The following ARF3 variants were observed in gnomAD, a reference collection of about 807,000 sequenced individuals.
ARF3 encodes ADP-ribosylation factor 3.
Under a neutral mutation model 19.3 loss-of-function variants are expected in ARF3, and 5 were observed. The ratio of observed to expected loss-of-function variants is 0.26; its 90% CI spans 0.14 to 0.54. ARF3 has a LOEUF of 0.54. Among genes scored for constraint, ARF3 ranks in the 20% least tolerant of loss-of-function variants. The pLI is 0.95. For synonymous variants in ARF3, 71 were observed against 89.2 expected (o/e 0.80, Z 1.15); for missense variants, 77 against 234.2 (o/e 0.33, Z 4.38).
intron 1 of ARF3, among the ~76,000 whole-genome samples, chr12:48,948,081 TGTA>T (rs1940391620): frequency 6.7e-6 from 1 of 149,662 alleles, no homozygotes; most frequent in South Asian, 2.1e-4. Context: ...GGTGCACGCC[TGTA>T]GTCCCAACTA....
At chr12:48,952,117 G>A (rs995656266) in intron 1 of ARF3, among the ~76,000 whole-genome samples, 2 of 152,160 alleles carry the variant, frequency 1.3e-5, no homozygotes, top group African/African-American at 4.8e-5. Context: ...AATTAGTGGT[G>A]TTTAGGCTCA....
rs959187833 is a variant in ARF3, at chr12:48,936,153, A to G, written c.*2794T>C. ...GACCAGAAACAGGACTCCCCTCACCATGAAACTACTGTCCCACGGCTGCTG... is the reference window on the plus strand; with the variant it reads ...GACCAGAAACAGGACTCCCCTCACCGTGAAACTACTGTCCCACGGCTGCTG... On this transcript the variant is annotated 3_prime_UTR_variant, in exon 5 of 5. Coordinates refer to ENST00000256682, the MANE Select transcript of ARF3 (RefSeq NM_001659.3). The G allele has an allele frequency of 5.2e-5, 8 of 152,548 alleles. No individual in the cohort carries two copies. Among genetic ancestry groups the G allele is most frequent in the African/African-American group, 1.9e-4 (8 of 41,454 alleles). The allele number at this position is 152,548 out of a possible 1,614,324, so 9.4% of individuals were successfully genotyped here.
At chr12:48,954,886 G>A (rs1283433992) in intron 1 of ARF3, among the ~76,000 whole-genome samples, 2 of 152,188 alleles carry the variant, frequency 1.3e-5, no homozygotes, top group Admixed American at 1.3e-4. Context: ...GGGCATGGTG[G>A]CACACGCATG....
chr12:48,950,923 G>T (rs529255548), intron 1 of ARF3, among the ~76,000 whole-genome samples: 21 of 151,960 alleles, frequency 1.4e-4, no homozygotes, highest in African/African-American at 4.3e-4. Flanking sequence ...GTAGCTGGGC[G>T]ATTACAGGCA....
intron 1 of ARF3, among the ~76,000 whole-genome samples, chr12:48,948,206 C>CA (rs151164110): frequency 0.53 from 77,569 of 147,300 alleles, 20,538 homozygotes; most frequent in South Asian, 0.74. Flanking sequence ...GAATATGTCT[C>CA]AAAAAAAAGA....
chr12:48,945,201 T>C (rs1028769613), intron 1 of ARF3, among the ~76,000 whole-genome samples: 3 of 148,110 alleles, frequency 2.0e-5, no homozygotes, highest in African/African-American at 5.0e-5. Flanking sequence ...TCCCAGCACT[T>C]TGGGAGGCTG....
intron 1 of ARF3, among the ~76,000 whole-genome samples, chr12:48,950,725 C>T (rs7981004): frequency 0.17 from 26,314 of 152,078 alleles, 3,823 homozygotes; most frequent in African/African-American, 0.4. Flanking sequence ...CTCTATGAAT[C>T]TGTTACTCTA....
chr12:48,951,300 G>C (rs1222002001), intron 1 of ARF3, among the ~76,000 whole-genome samples: 16 of 148,980 alleles, frequency 1.1e-4, no homozygotes, highest in Middle Eastern at 4.0e-3. Context: ...GTGGCTCATA[G>C]CTATAATCCC....
At chr12:48,952,337 GT>G (rs1940486691) in intron 1 of ARF3, among the ~76,000 whole-genome samples, 1 of 152,210 alleles carries the variant, frequency 6.6e-6, no homozygotes, top group Non-Finnish European at 1.5e-5. Context: ...GACAAGGTCT[GT>G]TTTAGAATCC....
rs144181071 is a variant in ARF3 at position 48,945,754 on chromosome 12, C to A, written c.-93-4566G>T. On this transcript the variant is annotated intron_variant, in intron 1 of 4. Transcript: ENST00000256682. Reference sequence around the variant, plus strand: ...AATATCCAGTAGCTATCATGTATCTCCCTGGCACAGCCCAGGACCTTGAAA... The same window carrying A: ...AATATCCAGTAGCTATCATGTATCTACCTGGCACAGCCCAGGACCTTGAAA... 1.8e-4 allele frequency among the ~76,000 whole-genome samples: 28 copies of A among 152,284 alleles called. No homozygotes were observed. In the East Asian group the frequency reaches 4.8e-3, roughly 26 times the overall value.
At chr12:48,950,110 AGGTGCCCTCAT>A (rs1303996622) in intron 1 of ARF3, among the ~76,000 whole-genome samples, 8 of 152,220 alleles carry the variant, frequency 5.3e-5, no homozygotes, top group Admixed American at 5.2e-4. Context: ...GGCTATTCAC[AGGTGCCCTCAT>A]GGTGCGCTAC....
intron 1 of ARF3, among the ~76,000 whole-genome samples, chr12:48,955,187 T>C (rs982419882): frequency 6.6e-6 from 1 of 152,170 alleles, no homozygotes; most frequent in Non-Finnish European, 1.5e-5. Flanking sequence ...ATATGACTCT[T>C]TGTGCACTTA....
intron 1 of ARF3, among the ~76,000 whole-genome samples, chr12:48,945,638 G>T (rs1940345831): frequency 6.6e-6 from 1 of 151,776 alleles, no homozygotes; most frequent in Non-Finnish European, 1.5e-5. Context: ...CAGGAGAATC[G>T]CTTGAACCCA....
At chr12:48,954,525 C>CA (rs1253401370) in intron 1 of ARF3, among the ~76,000 whole-genome samples, 4 of 151,954 alleles carry the variant, frequency 2.6e-5, no homozygotes, top group African/African-American at 9.7e-5. Flanking sequence ...TACTGACAAC[C>CA]AAAAAAATAA....
intron 1 of ARF3, chr12:48,955,609 C>G (rs1940549875): frequency 6.6e-6 from 1 of 152,166 alleles, no homozygotes; most frequent in African/African-American, 2.4e-5. Flanking sequence ...GACAGCCAAG[C>G]CATCTCTTGC....
Position 48,937,231 on chromosome 12 carries a change from C to T in ARF3, c.*1716G>A, listed in dbSNP as rs550004870. On this transcript the variant is annotated 3_prime_UTR_variant, in exon 5 of 5. Transcript: ENST00000256682. ...AACAAAAGTGGCCAGGAAACCTGGC[C>T]CCATGGAGTGGGGCTTGGGACAGCC... The T allele has an allele frequency of 6.6e-6, 1 of 152,348 alleles. No individual in the cohort carries two copies. Among genetic ancestry groups the T allele is most frequent in the African/African-American group, 2.4e-5 (1 of 41,558 alleles). The allele number at this position is 152,348 out of a possible 1,614,324, so 9.4% of individuals were successfully genotyped here. A position where few individuals can be genotyped will look rare whatever the true frequency, so the allele number is the denominator to read the frequency against.
At position 48,936,871 on chromosome 12, in the gene ARF3, G is replaced by A. The variant is rs1940153473; in HGVS notation, c.*2076C>T. ...TTGAAAAGGAAAGAGTTCAAGGAAGGAGAGGCAATGGGGCAAGACAAAATA... is the reference window on the plus strand; with the variant it reads ...TTGAAAAGGAAAGAGTTCAAGGAAGAAGAGGCAATGGGGCAAGACAAAATA... On this transcript the variant is annotated 3_prime_UTR_variant, in exon 5 of 5. Transcript: ENST00000256682. 3 of 152,256 alleles carry A rather than the reference G, an allele frequency of 2.0e-5. No homozygotes were observed. The highest frequency in any genetic ancestry group is 2.0e-4 in the Admixed American group (3 of 15,274). 9.4% of individuals were successfully genotyped at this position (152,256 alleles called of 1,614,324 possible).
At position 48,939,022 on chromosome 12, in the gene ARF3, G is replaced by A. The variant is rs761293004; in HGVS notation, c.471C>T (p.Ala157=). Residue 157 remains alanine (A), a synonymous_variant, in exon 5 of 5, where the codon GCC becomes GCT. Transcript: ENST00000256682. This position sits in a 1 kb window ranked among gnomAD's most constrained non-coding sequence, Gnocchi z 4.8. ...SLRHRNWYIQ[A]TCATSGDGLY... The stretch of plus-strand genomic sequence containing the variant: ...GCCCGTCCCCGCTGGTGGCACAGGT[G>A]GCCTGAATGTACCAGTTACGGTGAC... 2 of 1,613,726 alleles carry A rather than the reference G, an allele frequency of 1.2e-6. No individual in the cohort carries two copies. Among genetic ancestry groups the A allele is most frequent in the Non-Finnish European group, 1.7e-6 (2 of 1,180,028 alleles).
At chr12:48,956,699 T>C in intron 1 of ARF3, among the ~76,000 whole-genome samples, 1 of 151,578 alleles carries the variant, frequency 6.6e-6, no homozygotes, top group Admixed American at 6.6e-5. Flanking sequence ...CTCTCCACCC[T>C]CTCCCCACTT....
Sources: gnomAD v4.1 joint callset for allele counts (sites outside exome capture counted in the v4.1 genomes callset) on GRCh38, gnomAD v4.1.1 for gene constraint, Gnocchi (gnomAD v3.1) non-coding constraint, MANE v1.5 for transcripts, NCBI Gene and HGNC (gene_info 2026-07-23, HGNC 2026-07-21) for gene names.